DENND4A: variants seen among roughly 807,000 people sequenced by gnomAD.
The protein encoded by DENND4A is DENN domain containing 4A.
In DENND4A, 70 loss-of-function variants were observed where a neutral mutation model predicts 199.3. That is an observed-to-expected ratio of 0.35 (90% confidence interval 0.29 to 0.43). The LOEUF (loss-of-function observed/expected upper bound fraction) is 0.43. Ranked by LOEUF, DENND4A falls within the 20% of genes least tolerant of loss-of-function variation. DENND4A has a pLI of 1.00. For synonymous variants in DENND4A, 686 were observed against 766.9 expected (o/e 0.89, Z 1.74); for missense variants, 1,723 against 2,255.8 (o/e 0.76, Z 4.78).
Position 65,697,214 on chromosome 15 carries a change from T to G in DENND4A, c.2950+53A>C. 5.3e-6 allele frequency: 6 copies of G among 1,123,962 alleles called. No individual in the cohort carries two copies. The South Asian group carries it at 8.6e-5, about 16-fold the overall frequency. The allele number at this position is 1,123,962 out of a possible 1,614,324, so 69.6% of individuals were successfully genotyped here. A position where few individuals can be genotyped will look rare whatever the true frequency, so the allele number is the denominator to read the frequency against. On this transcript the variant is annotated intron_variant, in intron 21 of 32. Transcript: ENST00000443035. ...CACTTTTATAAAATCACCTGCATTT[T>G]CTATGAATATAAGTTCTCAATTTTA...
chr15:65,790,568 AATG>A (rs2077688327), intron 1 of DENND4A, among the ~76,000 whole-genome samples: 1 of 152,198 alleles, frequency 6.6e-6, no homozygotes, highest in Non-Finnish European at 1.5e-5. Context: ...TATTATATAT[AATG>A]ATGATGATAA....
At chr15:65,774,763 A>C (rs2077232440) in intron 1 of DENND4A, among the ~76,000 whole-genome samples, 1 of 151,840 alleles carries the variant, frequency 6.6e-6, no homozygotes, top group African/African-American at 2.4e-5. Context: ...AATGACATTG[A>C]TTTTAGAGAT....
At chr15:65,747,602 T>C (rs1007950844) in intron 4 of DENND4A, among the ~76,000 whole-genome samples, 4 of 152,194 alleles carry the variant, frequency 2.6e-5, no homozygotes, top group Admixed American at 2.6e-4. Context: ...TGCTATCTTA[T>C]TGAGAGGGTT....
Position 65,742,628 on chromosome 15 carries a change from T to C in DENND4A, c.562-844A>G, listed in dbSNP as rs527906627. ...TTTTAGTAGAGATGGGGTTTCACCA[T>C]GTTGGCCATGGTGTTGGCCAGGCTG... On this transcript the variant is annotated intron_variant, in intron 4 of 32. Coordinates refer to ENST00000443035, the MANE Select transcript of DENND4A (RefSeq NM_001320835.1). 5.9e-5 allele frequency among the ~76,000 whole-genome samples: 9 copies of C among 152,240 alleles called. No homozygotes were observed. The East Asian group carries it at 1.5e-3, about 26-fold the overall frequency.
In DENND4A at chr15:65,700,638, G is replaced by A; in HGVS notation, c.2739C>T (p.Ser913=). The part of the protein sequence containing the change: ...GSDLDAVSHG[S]MDSGHGTHTV... ...TGTGTGTCCCATGACCACTATCCAT[G>A]CTGCCATGACTAACAGCATCCAGGT... The change falls in exon 20 of 33, where the codon AGC becomes AGT. Residue 913 remains serine, a synonymous_variant. Coordinates refer to ENST00000443035, the MANE Select transcript of DENND4A (RefSeq NM_001320835.1). 1 of 1,546,184 alleles carries A rather than the reference G, an allele frequency of 6.5e-7. No homozygotes were observed. The highest frequency in any genetic ancestry group is 8.7e-7 in the Non-Finnish European group (1 of 1,145,050).
chr15:65,705,740 T>A (rs1567026591), intron 15 of DENND4A, among the ~76,000 whole-genome samples: 2 of 151,782 alleles, frequency 1.3e-5, no homozygotes, highest in Admixed American at 1.3e-4. Context: ...GTGTATGAGA[T>A]GAAAAGAGGA....
At chr15:65,706,336 TAAA>T (rs911064886) in intron 14 of DENND4A, 112 bp from the exon 15 acceptor site, 1 of 1,093,140 alleles carries the variant, frequency 9.1e-7, no homozygotes, top group African/African-American at 1.6e-5. Flanking sequence ...AAACAGCTAT[TAAA>T]AAAGAAGAGT....
At chr15:65,778,673 C>T (rs1255753535) in intron 1 of DENND4A, among the ~76,000 whole-genome samples, 8 of 151,084 alleles carry the variant, frequency 5.3e-5, no homozygotes, top group Admixed American at 5.3e-4. Context: ...ATGAGGCGGG[C>T]GGATCACGAG....
At chr15:65,786,205 G>A (rs2077562235) in intron 1 of DENND4A, among the ~76,000 whole-genome samples, 1 of 152,100 alleles carries the variant, frequency 6.6e-6, no homozygotes, top group Admixed American at 6.6e-5. Context: ...TAGAAGAAAT[G>A]ATAAATTGTA....
At chr15:65,781,503 A>G (rs1171215288) in intron 1 of DENND4A, among the ~76,000 whole-genome samples, 2 of 152,202 alleles carry the variant, frequency 1.3e-5, no homozygotes, top group Non-Finnish European at 2.9e-5. Flanking sequence ...AAAAATATTT[A>G]GGAGATAAAT....
rs1567081747 is a variant in DENND4A, at chr15:65,756,234, A to G, written c.217T>C (p.Leu73=). Residue 73 remains leucine (L), a synonymous_variant, in exon 3 of 33, where the codon TTG becomes CTG. Coordinates refer to ENST00000443035, the MANE Select transcript of DENND4A (RefSeq NM_001320835.1). ...CTTCCATTATTAAGATCAGCTGACA[A>G]TCCAGTTGGGGTAACATCAATACAG... ...YICIDVTPTG[L]SADLNNGSLV... is the part of the protein sequence containing the mutation. 1 of 1,612,546 alleles carries G rather than the reference A, an allele frequency of 6.2e-7. No homozygotes were observed. Among genetic ancestry groups the G allele is most frequent in the Admixed American group, 1.7e-5 (1 of 59,798 alleles).
chr15:65,771,972 T>G, intron 1 of DENND4A: 1 of 1,533,022 alleles, frequency 6.5e-7, no homozygotes, highest in Admixed American at 1.8e-5. Context: ...CTTTCGTAAC[T>G]CCAAGTACTT....
Position 65,752,629 on chromosome 15 carries a change from C to A in DENND4A, c.312-1G>T. The A allele has an allele frequency of 6.7e-7, 1 of 1,485,212 alleles. No individual in the cohort carries two copies. 92.0% of individuals were successfully genotyped at this position (1,485,212 alleles called of 1,614,324 possible). On this transcript the variant is annotated splice_acceptor_variant, in intron 3 of 32. Transcript: ENST00000443035. LOFTEE classifies it high-confidence loss of function. ...TCTTTCTTTCCAGTCATATAAAACC[C>A]TAAAAATAAATTTTTAAAAATAAAT...
Position 65,737,822 on chromosome 15 carries a change from T to A in DENND4A, c.925A>T (p.Thr309Ser). The change falls in exon 7 of 33, where the codon ACT becomes TCT. Residue 309 changes from threonine (T) to serine (S), a missense_variant. Around this residue, in one of 6 missense-constraint regions of DENND4A, gnomAD observed 725 missense variants for 952.9 expected, o/e 0.76. Coordinates refer to ENST00000443035, the MANE Select transcript of DENND4A (RefSeq NM_001320835.1). ...GAAAGAAGACAGATGCATTTGTTAG[T>A]ATGAATTGTTTTGGAACTATCAGAC... ...GKSDSSKTIH[T>S]NKCICLLSHW... 1 of 1,601,822 alleles carries A rather than the reference T, an allele frequency of 6.2e-7. No homozygotes were observed. Among genetic ancestry groups the A allele is most frequent in the Non-Finnish European group, 8.5e-7 (1 of 1,173,616 alleles).
chr15:65,719,447 T>C (rs1057004402), intron 12 of DENND4A: 2 of 151,988 alleles, frequency 1.3e-5, no homozygotes, highest in Non-Finnish European at 2.9e-5. Context: ...TGTAATTTTA[T>C]AGTAGAGAAG....
intron 1 of DENND4A, among the ~76,000 whole-genome samples, chr15:65,777,594 C>T (rs2077317162): frequency 6.6e-6 from 1 of 152,150 alleles, no homozygotes; most frequent in African/African-American, 2.4e-5. Context: ...CTCAAGTGAC[C>T]TGCCTGCCTT....
At chr15:65,695,990 T>C (rs1474279245) in intron 22 of DENND4A, among the ~76,000 whole-genome samples, 1 of 152,126 alleles carries the variant, frequency 6.6e-6, no homozygotes, top group East Asian at 1.9e-4. Flanking sequence ...GACTATCCTT[T>C]TGCCTCTGGA....
intron 7 of DENND4A, among the ~76,000 whole-genome samples, chr15:65,734,649 G>A (rs1170475938): frequency 2.6e-5 from 4 of 151,988 alleles, no homozygotes; most frequent in Non-Finnish European, 4.4e-5. Flanking sequence ...CTAAACAAAC[G>A]TCAAGCAGGG....
At chr15:65,774,193 T>C (rs1310003703) in intron 1 of DENND4A, among the ~76,000 whole-genome samples, 1 of 151,932 alleles carries the variant, frequency 6.6e-6, no homozygotes, top group Non-Finnish European at 1.5e-5. Flanking sequence ...CTGTCTCTAC[T>C]AAAAATAAAA....
Sources: gnomAD v4.1 joint callset for allele counts (sites outside exome capture counted in the v4.1 genomes callset) on GRCh38, gnomAD v4.1.1 for gene constraint, gnomAD v4.1.1 regional missense constraint, MANE v1.5 for transcripts, NCBI Gene and HGNC (gene_info 2026-07-23, HGNC 2026-07-21) for gene names.